Variants in IGSF3 observed in about 807,000 individuals in gnomAD.
IGSF3 encodes the protein glu-Trp-Ile EWI motif-containing protein 3.
Under a neutral mutation model 114.4 loss-of-function variants are expected in IGSF3, and 23 were observed. The observed-to-expected ratio is 0.20, with a 90% CI of 0.14 to 0.28. The LOEUF is 0.28. IGSF3 is among the 10% of genes least tolerant of loss of function. IGSF3 has a pLI of 1.00. For synonymous variants in IGSF3, 571 were observed against 645.2 expected, an observed-to-expected ratio of 0.88 and a Z score of 1.74; for missense variants, 1,172 against 1,591.5, an observed-to-expected ratio of 0.74 and a Z score of 4.48.
Position 116,642,161 on chromosome 1 carries a change from G to C in IGSF3, c.43+24123C>G, listed in dbSNP as rs1648135036. Among the ~76,000 whole-genome samples the C allele has an allele frequency of 6.6e-6, 1 of 151,872 alleles. No individual in the cohort carries two copies. The highest frequency in any genetic ancestry group is 6.6e-5 in the Admixed American group (1 of 15,262). On this transcript the variant is annotated intron_variant, in intron 2 of 10. Transcript: ENST00000369486. This position sits in a 1 kb window ranked among gnomAD's most constrained non-coding sequence, Gnocchi z 5.4. ...ACCCAAAGTTTTACTTTGAAATATAGAACATTTCATTTTTTTCCCACACAC... is the reference window on the plus strand; with the variant it reads ...ACCCAAAGTTTTACTTTGAAATATACAACATTTCATTTTTTTCCCACACAC...
At position 116,577,709 on chromosome 1, in the gene IGSF3, T is replaced by TAGCAG; in HGVS notation, c.3335-148_3335-147insCTGCT. The TAGCAG allele has an allele frequency of 1.5e-6, 1 of 687,664 alleles. No homozygotes were observed. Among genetic ancestry groups the TAGCAG allele is most frequent in the Non-Finnish European group, 2.5e-6 (1 of 405,868 alleles). The allele number at this position is 687,664 out of a possible 1,614,324, so 42.6% of individuals were successfully genotyped here. A position where few individuals can be genotyped will look rare whatever the true frequency, so the allele number is the denominator to read the frequency against. On this transcript the variant is annotated intron_variant, in intron 10 of 10. Transcript: ENST00000369486. The surrounding 1 kb of genome is among the most constrained non-coding windows in gnomAD (Gnocchi z 5.7). Reference sequence around the variant, plus strand: ...GTCTTTCCCCTGCTACCATTAATGGTGGAAGATGACCCTTATATTCTTTTT... The same window carrying TAGCAG: ...GTCTTTCCCCTGCTACCATTAATGGTAGCAGGGAAGATGACCCTTATATTCTTTTT...
intron 8 of IGSF3, among the ~76,000 whole-genome samples, chr1:116,587,482 C>T (rs1472022649): frequency 1.5e-5 from 2 of 137,190 alleles, no homozygotes; most frequent in Admixed American, 1.5e-4. Flanking sequence ...GCTGACAGAA[C>T]AATAAGTACA....
At position 116,616,280 on chromosome 1, in the gene IGSF3, G is replaced by T. The variant is rs745744943; in HGVS notation, c.221C>A (p.Thr74Asn). 20 of 1,611,370 alleles carry T rather than the reference G, an allele frequency of 1.2e-5. No homozygotes were observed. The highest frequency in any genetic ancestry group is 1.4e-5 in the Non-Finnish European group (16 of 1,179,240). The change falls in exon 3 of 11, where the codon ACC (threonine) becomes AAC (asparagine). Residue 74 changes from threonine to asparagine, a missense_variant. Transcript: ENST00000369486. The surrounding 1 kb of genome is among the most constrained non-coding windows in gnomAD (Gnocchi z 6.6). ...SPEREVQIVS[T>N]MDSSFPYAIY... ...GGCATAGGGGAAGGAAGAGTCCATG[G>T]TGCTGACGATCTGCACCTCTCGCTC... is the stretch of plus-strand genomic sequence containing the variant.
At chr1:116,622,643 C>T (rs2336272) in intron 2 of IGSF3, among the ~76,000 whole-genome samples, 1 of 152,152 alleles carries the variant, frequency 6.6e-6, no homozygotes, top group African/African-American at 2.4e-5. Flanking sequence ...AAACTGAAGA[C>T]AAATGATCAT....
chr1:116,579,838 G>C lies in IGSF3; in HGVS notation c.2888C>G (p.Thr963Arg). ...LQVDTVVPNA[T>R]VSEKAAFQLD... is the part of the protein sequence containing the mutation. Reference sequence around the variant, plus strand: ...CTGGAAAGCTGCCTTCTCAGAGACCGTGGCATTGGGGACCACTGTGTCCAC... The same window carrying C: ...CTGGAAAGCTGCCTTCTCAGAGACCCTGGCATTGGGGACCACTGTGTCCAC... Residue 963 changes from threonine (T) to arginine (R), a missense_variant, in exon 10 of 11, where the codon ACG (threonine) becomes AGG (arginine). This residue lies in a region of IGSF3 where 423 missense variants were observed against 509.8 expected (regional missense o/e 0.83). Transcript: ENST00000369486. This position sits in a 1 kb window ranked among gnomAD's most constrained non-coding sequence, Gnocchi z 6.4. 1 of 1,611,850 alleles carries C rather than the reference G, an allele frequency of 6.2e-7. No homozygotes were observed. The highest frequency in any genetic ancestry group is 8.5e-7 in the Non-Finnish European group (1 of 1,179,762).
chr1:116,595,750 A>G lies in IGSF3; in HGVS notation c.2029+4191T>C, dbSNP rs1660317878. On this transcript the variant is annotated intron_variant, in intron 7 of 10. Coordinates refer to ENST00000369486, the MANE Select transcript of IGSF3 (RefSeq NM_001007237.3). This position sits in a 1 kb window ranked among gnomAD's most constrained non-coding sequence, Gnocchi z 4.2. ...AAACATTTGGAAAATGAGTGCTAAC[A>G]TTTCCCTTACTGCTTCTGTATTTAA... 6.6e-6 allele frequency among the ~76,000 whole-genome samples: 1 copy of G among 152,204 alleles called. No individual in the cohort carries two copies. Among genetic ancestry groups the G allele is most frequent in the Admixed American group, 6.5e-5 (1 of 15,282 alleles).
rs941484679 is a variant in IGSF3, at chr1:116,647,160, G to A, written c.43+19124C>T. 9.2e-5 allele frequency among the ~76,000 whole-genome samples: 14 copies of A among 152,232 alleles called. No homozygotes were observed. Among genetic ancestry groups the A allele is most frequent in the African/African-American group, 3.4e-4 (14 of 41,458 alleles). Reference sequence around the variant, plus strand: ...CAAAAAAGATGAGGCTGAAGGTCAGGAGAGACCCAGGCAGCGATGCCCAAA... The same window carrying A: ...CAAAAAAGATGAGGCTGAAGGTCAGAAGAGACCCAGGCAGCGATGCCCAAA... On this transcript the variant is annotated intron_variant, in intron 2 of 10. Transcript: ENST00000369486. The surrounding 1 kb of genome is among the most constrained non-coding windows in gnomAD (Gnocchi z 4.6).
At position 116,595,350 on chromosome 1, in the gene IGSF3, C is replaced by T. The variant is rs1305880507; in HGVS notation, c.2029+4591G>A. Among the ~76,000 whole-genome samples, 1 of 152,098 alleles carries T rather than the reference C, an allele frequency of 6.6e-6. No homozygotes were observed. Among genetic ancestry groups the T allele is most frequent in the Non-Finnish European group, 1.5e-5 (1 of 68,014 alleles). ...TGGCACAGACAACAGGCAGAAGCCACCTGGGATGGAAGAAGGAGAACCCCA... is the reference window on the plus strand; with the variant it reads ...TGGCACAGACAACAGGCAGAAGCCATCTGGGATGGAAGAAGGAGAACCCCA... On this transcript the variant is annotated intron_variant, in intron 7 of 10. Transcript: ENST00000369486. This position sits in a 1 kb window ranked among gnomAD's most constrained non-coding sequence, Gnocchi z 4.2.
Position 116,592,225 on chromosome 1 carries a change from A to G in IGSF3, c.2030-3121T>C, listed in dbSNP as rs548400845. Among the ~76,000 whole-genome samples the G allele has an allele frequency of 2.6e-5, 4 of 152,202 alleles. No individual in the cohort carries two copies. In the East Asian group the frequency reaches 7.7e-4, roughly 29 times the overall value. On this transcript the variant is annotated intron_variant, in intron 7 of 10. Transcript: ENST00000369486. The surrounding 1 kb of genome is among the most constrained non-coding windows in gnomAD (Gnocchi z 4.5). ...TCACAAGTAGCTTCAAGCCTGAGAA[A>G]CCCTGGACTTGGCCGTGTGAGTGAA...
chr1:116,622,190 C>A (rs1430895035), intron 2 of IGSF3, among the ~76,000 whole-genome samples: 3 of 152,168 alleles, frequency 2.0e-5, no homozygotes, highest in Non-Finnish European at 2.9e-5. Context: ...GCACCATGCT[C>A]CTCCAAATTC....
At chr1:116,608,432 A>G (rs1660883125) in intron 4 of IGSF3, 101 bp from the exon 5 acceptor site, 1 of 877,264 alleles carries the variant, frequency 1.1e-6, no homozygotes, top group Non-Finnish European at 1.7e-6. Context: ...TCTTCTTTAC[A>G]ATACTAACTG....
At chr1:116,609,879 T>A (rs998695644) in intron 4 of IGSF3, among the ~76,000 whole-genome samples, 26 of 152,092 alleles carry the variant, frequency 1.7e-4, no homozygotes, top group Admixed American at 9.8e-4. Flanking sequence ...GCTTTACCCC[T>A]CCCGCTCCTC....
rs575802316 is a variant in IGSF3, at chr1:116,615,816, T to A, written c.421+264A>T. 2.0e-5 allele frequency among the ~76,000 whole-genome samples: 3 copies of A among 152,364 alleles called. No homozygotes were observed. The highest frequency in any genetic ancestry group is 4.8e-5 in the African/African-American group (2 of 41,576). ...AACATCCTTGCCTTATATTTTCATA[T>A]CCCTTTTCACCAGTTACAGGGTTAG... On this transcript the variant is annotated intron_variant, in intron 3 of 10. Coordinates refer to ENST00000369486, the MANE Select transcript of IGSF3 (RefSeq NM_001007237.3). The surrounding 1 kb of genome is among the most constrained non-coding windows in gnomAD (Gnocchi z 4.3).
chr1:116,631,948 G>A (rs546358735), intron 2 of IGSF3, among the ~76,000 whole-genome samples: 4 of 152,260 alleles, frequency 2.6e-5, no homozygotes, highest in Admixed American at 6.5e-5. Context: ...CCTCCTCAAC[G>A]TCTCCATCAA....
At chr1:116,667,282 G>T (rs916221816) in intron 1 of IGSF3, among the ~76,000 whole-genome samples, 3 of 152,190 alleles carry the variant, frequency 2.0e-5, no homozygotes, top group Non-Finnish European at 4.4e-5. Flanking sequence ...TCCGCGGTGG[G>T]GCCGCGACTC....
In IGSF3 at chr1:116,666,648, A is replaced by T. The variant is rs1036717904; in HGVS notation, c.-322T>A. ...TGTAGTGGATTAATCCTCCAGAAGC[A>T]CGGAAAAAAGGGTCTGAGAAAATCC... is the stretch of plus-strand genomic sequence containing the variant. On this transcript the variant is annotated 5_prime_UTR_variant, in exon 2 of 11. Transcript: ENST00000369486. 5.3e-6 allele frequency: 3 copies of T among 563,950 alleles called. No individual in the cohort carries two copies. Among genetic ancestry groups the T allele is most frequent in the Non-Finnish European group, 9.4e-6 (3 of 320,786 alleles). 34.9% of individuals were successfully genotyped at this position (563,950 alleles called of 1,614,324 possible). A position where few individuals can be genotyped will look rare whatever the true frequency, so the allele number is the denominator to read the frequency against.
intron 6 of IGSF3, among the ~76,000 whole-genome samples, chr1:116,601,092 T>G (rs998902421): frequency 1.3e-5 from 2 of 152,226 alleles, no homozygotes; most frequent in Non-Finnish European, 2.9e-5. Flanking sequence ...GTAGCCAGTA[T>G]TTATTGAGCA....
chr1:116,652,965 A>T (rs1571193367), intron 2 of IGSF3, among the ~76,000 whole-genome samples: 1 of 152,174 alleles, frequency 6.6e-6, no homozygotes, highest in Non-Finnish European at 1.5e-5. Context: ...CTCTCTTGAC[A>T]TGGTAAATGA....
chr1:116,591,298 A>G (rs1447769439), intron 7 of IGSF3, among the ~76,000 whole-genome samples: 3 of 152,154 alleles, frequency 2.0e-5, no homozygotes, highest in East Asian at 3.9e-4. Context: ...AATGATATCT[A>G]TATCAGTGCA....
Sources: gnomAD v4.1 joint callset for allele counts (sites outside exome capture counted in the v4.1 genomes callset) on GRCh38, gnomAD v4.1.1 for gene constraint, gnomAD v4.1.1 regional missense constraint, Gnocchi (gnomAD v3.1) non-coding constraint, MANE v1.5 for transcripts, NCBI Gene and HGNC (gene_info 2026-07-23, HGNC 2026-07-21) for gene names.